RAP1GAP2: variants seen among roughly 807,000 people sequenced by gnomAD.
RAP1GAP2 encodes RAP1 GTPase activating protein 2, also known as rap1 GTPase-activating protein 2.
Under a neutral mutation model 95.0 loss-of-function variants are expected in RAP1GAP2, and 27 were observed. The ratio of observed to expected loss-of-function variants is 0.28; its 90% CI spans 0.21 to 0.39. The LOEUF (loss-of-function observed/expected upper bound fraction) is 0.39. RAP1GAP2 is among the 10% of genes least tolerant of loss of function. The probability of loss-of-function intolerance (pLI) is 1.00; values close to 1 mark genes in which losing one functional copy is unlikely to be tolerated. For missense variants in RAP1GAP2, 771 were observed against 970.0 expected (o/e 0.79, Z 2.72); for synonymous variants, 373 against 380.9 (o/e 0.98, Z 0.24).
intron 2 of RAP1GAP2, among the ~76,000 whole-genome samples, chr17:2,878,074 T>C (rs1190248155): frequency 6.6e-6 from 1 of 152,104 alleles, no homozygotes; most frequent in Admixed American, 6.6e-5. Flanking sequence ...ACGCGTTACC[T>C]GGCATCCTCT....
At chr17:2,888,306 G>A (rs1030393019) in intron 2 of RAP1GAP2, among the ~76,000 whole-genome samples, 2 of 152,144 alleles carry the variant, frequency 1.3e-5, no homozygotes, top group Admixed American at 6.6e-5. Context: ...CTGGCTATTT[G>A]AAAATATACA....
At chr17:2,952,743 A>T (rs1597706071) in intron 3 of RAP1GAP2, among the ~76,000 whole-genome samples, 1 of 151,816 alleles carries the variant, frequency 6.6e-6, no homozygotes, top group Non-Finnish European at 1.5e-5. Context: ...GTTTGTTTCC[A>T]TGTGTTCATT....
intron 3 of RAP1GAP2, among the ~76,000 whole-genome samples, chr17:2,944,169 A>G (rs996582152): frequency 6.6e-6 from 1 of 151,464 alleles, no homozygotes; most frequent in Non-Finnish European, 1.5e-5. Context: ...ACCAAAAAAA[A>G]AAAAAAAAAA....
chr17:2,985,316 C>T (rs779538167), intron 11 of RAP1GAP2, among the ~76,000 whole-genome samples: 1 of 151,656 alleles, frequency 6.6e-6, no homozygotes, highest in African/African-American at 2.4e-5. Flanking sequence ...CTCATTCTTC[C>T]TGGCTGCCTC....
intron 1 of RAP1GAP2, among the ~76,000 whole-genome samples, chr17:2,756,031 C>T (rs1010143173): frequency 2.0e-5 from 3 of 152,132 alleles, no homozygotes; most frequent in Admixed American, 2.0e-4. Flanking sequence ...TGGGGGAACC[C>T]CGTCCCCCTC....
chr17:2,927,205 G>C (rs1364966559), intron 3 of RAP1GAP2, among the ~76,000 whole-genome samples: 7 of 151,016 alleles, frequency 4.6e-5, no homozygotes, highest in South Asian at 2.1e-4. Flanking sequence ...CCAGGCTGGA[G>C]TGCAGTGGCG....
intron 3 of RAP1GAP2, among the ~76,000 whole-genome samples, chr17:2,945,319 C>A (rs116640788): frequency 0.025 from 3,750 of 152,298 alleles, 54 homozygotes; most frequent in African/African-American, 0.047. Flanking sequence ...TATAGAAACA[C>A]AACTGATTTT....
At chr17:2,757,491 T>C (rs1348870864) in intron 1 of RAP1GAP2, among the ~76,000 whole-genome samples, 1 of 151,968 alleles carries the variant, frequency 6.6e-6, no homozygotes, top group Non-Finnish European at 1.5e-5. Context: ...CAAAATGACA[T>C]AGCATTCCAT....
chr17:2,826,551 G>T (rs2070574538), intron 2 of RAP1GAP2, among the ~76,000 whole-genome samples: 1 of 152,016 alleles, frequency 6.6e-6, no homozygotes, highest in African/African-American at 2.4e-5. Context: ...GGCGGCCTTG[G>T]GAGCTTTGGG....
chr17:2,845,240 T>A (rs1216562386), intron 2 of RAP1GAP2, among the ~76,000 whole-genome samples: 1 of 152,166 alleles, frequency 6.6e-6, no homozygotes, highest in Non-Finnish European at 1.5e-5. Context: ...CCTCCCGGGT[T>A]CAAGTGATTC....
rs145490570 is a variant in RAP1GAP2 at position 2,759,549 on chromosome 17, C to T, written c.50+3782C>T. 1.3e-3 allele frequency among the ~76,000 whole-genome samples: 195 copies of T among 152,316 alleles called. 2 individuals are homozygous for T. Among genetic ancestry groups the T allele is most frequent in the East Asian group, 9.8e-3 (51 of 5,190 alleles). ...CACTGCAACCTCCGCCTCCCAGGTTCAAGCAATTCTCCTGCCTCAGCCCCC... is the reference window on the plus strand; with the variant it reads ...CACTGCAACCTCCGCCTCCCAGGTTTAAGCAATTCTCCTGCCTCAGCCCCC... On this transcript the variant is annotated intron_variant, in intron 1 of 25. Transcript: ENST00000637138.
chr17:3,034,341 G>A lies in RAP1GAP2; in HGVS notation c.*980G>A. 4.3e-6 allele frequency: 1 copy of A among 231,676 alleles called. No homozygotes were observed. Among genetic ancestry groups the A allele is most frequent in the Non-Finnish European group, 8.9e-6 (1 of 112,360 alleles). The allele number at this position is 231,676 out of a possible 1,614,324, so 14.4% of individuals were successfully genotyped here. On this transcript the variant is annotated 3_prime_UTR_variant, in exon 25 of 25. Transcript: ENST00000254695. This position sits in a 1 kb window ranked among gnomAD's most constrained non-coding sequence, Gnocchi z 5.1. ...CCAGGCCGGAGCCCAGGTCTCTGCT[G>A]ACAATGGGGGTTCAAGGAAGACGTC...
At chr17:2,930,800 C>G (rs1490441024) in intron 3 of RAP1GAP2, among the ~76,000 whole-genome samples, 2 of 152,068 alleles carry the variant, frequency 1.3e-5, no homozygotes, top group Non-Finnish European at 2.9e-5. Flanking sequence ...CAAAGAAAAA[C>G]AAAATCGAAA....
At chr17:2,780,877 G>T (rs371530093) in intron 1 of RAP1GAP2, among the ~76,000 whole-genome samples, 1 of 152,198 alleles carries the variant, frequency 6.6e-6, no homozygotes, top group Non-Finnish European at 1.5e-5. Context: ...CAGTGCTTTG[G>T]TGCCTGTCCA....
intron 2 of RAP1GAP2, among the ~76,000 whole-genome samples, chr17:2,802,678 G>A (rs370704717): frequency 2.0e-5 from 3 of 152,220 alleles, no homozygotes; most frequent in African/African-American, 4.8e-5. Flanking sequence ...ACCACAGCCT[G>A]GGAGACAAGA....
At chr17:2,788,001 TG>T (rs2151459210) in intron 1 of RAP1GAP2, among the ~76,000 whole-genome samples, 1 of 152,360 alleles carries the variant, frequency 6.6e-6, no homozygotes, top group South Asian at 2.1e-4. Flanking sequence ...AATCCTCAGT[TG>T]ATGATCATTT....
At chr17:2,986,045 A>G (rs1299891880) in intron 11 of RAP1GAP2, among the ~76,000 whole-genome samples, 1 of 151,784 alleles carries the variant, frequency 6.6e-6, no homozygotes, top group Non-Finnish European at 1.5e-5. Flanking sequence ...ATATAAATAC[A>G]CTCCACTGTT....
At position 2,832,421 on chromosome 17, in the gene RAP1GAP2, T is replaced by G. The variant is rs181091100; in HGVS notation, c.80+31871T>G. Among the ~76,000 whole-genome samples, 217 of 142,468 alleles carry G rather than the reference T, an allele frequency of 1.5e-3. 1 individual carries two copies. The highest frequency in any genetic ancestry group is 0.014 in the South Asian group (57 of 4,212). The allele number at this position is 142,468 out of a possible 152,430, so 93.5% of individuals were successfully genotyped here. On this transcript the variant is annotated intron_variant, in intron 2 of 24. Coordinates refer to ENST00000254695, the MANE Select transcript of RAP1GAP2 (RefSeq NM_015085.5). ...AAAATACAAAAAATTACCCAGGTGT[T>G]GTGGCGGGCACCTGTAGTCCCAGCT... is the stretch of plus-strand genomic sequence containing the variant.
At chr17:2,885,845 C>T (rs948101215) in intron 2 of RAP1GAP2, among the ~76,000 whole-genome samples, 8 of 152,352 alleles carry the variant, frequency 5.3e-5, no homozygotes, top group South Asian at 4.1e-4. Flanking sequence ...AGAATATCGC[C>T]GTGTCTGTGG....
Sources: allele counts gnomAD v4.1 joint callset (sites outside exome capture counted in the v4.1 genomes callset), GRCh38; gene constraint gnomAD v4.1.1; non-coding constraint Gnocchi (gnomAD v3.1); transcripts MANE v1.5; gene names NCBI Gene and HGNC (gene_info 2026-07-23, HGNC 2026-07-21).